The following EML1 variants were observed in gnomAD, a reference collection of about 807,000 sequenced individuals.
EML1 encodes EMAP like 1.
Under a neutral mutation model 110.4 loss-of-function variants are expected in EML1, and 27 were observed. The ratio of observed to expected loss-of-function variants is 0.24; its 90% CI spans 0.18 to 0.34. The LOEUF (loss-of-function observed/expected upper bound fraction) is 0.34. Among genes scored for constraint, EML1 ranks in the 10% least tolerant of loss-of-function variants. The probability of loss-of-function intolerance (pLI) is 1.00; values close to 1 mark genes in which losing one functional copy is unlikely to be tolerated. For missense variants in EML1, 741 were observed against 1,030.9 expected (o/e 0.72, Z 3.85); for synonymous variants, 344 against 385.8 (o/e 0.89, Z 1.27).
intron 1 of EML1, among the ~76,000 whole-genome samples, chr14:99,779,860 C>T (rs1430972103): frequency 6.6e-6 from 1 of 152,210 alleles, no homozygotes; most frequent in East Asian, 1.9e-4. Flanking sequence ...ATTGAAACTC[C>T]AATCTTCACA....
intron 17 of EML1, among the ~76,000 whole-genome samples, chr14:99,925,889 C>T (rs978115005): frequency 2.0e-5 from 3 of 152,196 alleles, no homozygotes; most frequent in Non-Finnish European, 4.4e-5. Flanking sequence ...CTTGGCCCTC[C>T]CCACCCAACT....
intron 6 of EML1, among the ~76,000 whole-genome samples, chr14:99,895,437 A>G (rs2059655992): frequency 6.6e-6 from 1 of 152,240 alleles, no homozygotes; most frequent in African/African-American, 2.4e-5. Context: ...ATGGAAAACT[A>G]GGCACTCTCT....
intron 1 of EML1, among the ~76,000 whole-genome samples, chr14:99,847,575 T>A (rs2058727014): frequency 6.6e-6 from 1 of 152,140 alleles, no homozygotes; most frequent in African/African-American, 2.4e-5. Flanking sequence ...TTATTTATTT[T>A]TTTATTAGTT....
At chr14:99,878,010 A>G (rs550850358) in intron 3 of EML1, among the ~76,000 whole-genome samples, 20 of 152,254 alleles carry the variant, frequency 1.3e-4, no homozygotes, top group African/African-American at 4.8e-4. Context: ...AATGTGGCCC[A>G]ACACAGATTT....
chr14:99,757,214 C>CTGTCGT (rs2057266007), intron 1 of EML1, among the ~76,000 whole-genome samples: 1 of 152,154 alleles, frequency 6.6e-6, no homozygotes, highest in Admixed American at 6.5e-5. Context: ...TGGTGCATGC[C>CTGTCGT]TGTCGTCGCA....
At chr14:99,739,496 A>G (rs1338442966) in intron 1 of EML1, among the ~76,000 whole-genome samples, 2 of 152,156 alleles carry the variant, frequency 1.3e-5, no homozygotes, top group African/African-American at 4.8e-5. Context: ...CGTGGGCCTC[A>G]CCATCCCTTC....
Position 99,907,667 on chromosome 14 carries a change from T to G in EML1, c.1038T>G (p.Asp346Glu), listed in dbSNP as rs200777350. Residue 346 changes from aspartate (D) to glutamate (E), a missense_variant, in exon 10 of 22, where the codon GAT becomes GAG. Asp to Glu is a conservative substitution (Grantham distance 45). Around this residue, in one of 4 missense-constraint regions of EML1, gnomAD observed 388 missense variants for 605.6 expected, o/e 0.64. Transcript: ENST00000262233. The part of the protein sequence containing the change: ...SNGGTNLCAV[D>E]DSNDHVLSVW... ...GAGGAACCAATCTCTGTGCTGTGGA[T>G]GACTCCAACGACCATGTGCTCTCTG... 5.8e-5 allele frequency: 94 copies of G among 1,614,128 alleles called. No homozygotes were observed. The highest frequency in any genetic ancestry group is 7.8e-5 in the Non-Finnish European group (92 of 1,180,038).
chr14:99,935,960 C>G (rs2060462826), intron 17 of EML1, 69 bp from the exon 18 acceptor site: 1 of 1,459,308 alleles, frequency 6.9e-7, no homozygotes, highest in East Asian at 2.3e-5. Flanking sequence ...TGGCAGCTAC[C>G]GTTATCCTTT....
intron 1 of EML1, chr14:99,809,515 C>A: frequency 2.6e-6 from 1 of 391,242 alleles, no homozygotes; most frequent in South Asian, 1.9e-5. Flanking sequence ...TGGACAGGCG[C>A]CCTGGTCGGC....
intron 2 of EML1, among the ~76,000 whole-genome samples, chr14:99,857,128 C>T (rs1209450464): frequency 6.6e-6 from 1 of 151,964 alleles, no homozygotes; most frequent in Non-Finnish European, 1.5e-5. Flanking sequence ...CGAAATTAGC[C>T]TTGTGTGATG....
intron 1 of EML1, among the ~76,000 whole-genome samples, chr14:99,796,909 ATGTG>A (rs369237790): frequency 0.047 from 6,753 of 142,636 alleles, 190 homozygotes; most frequent in Middle Eastern, 0.067. Context: ...TTGTGTGTGT[ATGTG>A]TGTGTGTGTG....
intron 1 of EML1, among the ~76,000 whole-genome samples, chr14:99,814,190 A>C (rs1436857587): frequency 3.3e-5 from 5 of 152,244 alleles, no homozygotes; most frequent in African/African-American, 4.8e-5. Flanking sequence ...GGACCTCGGA[A>C]GATTCAGGAC....
At chr14:99,753,394 C>T (rs917807634) in intron 1 of EML1, among the ~76,000 whole-genome samples, 11 of 152,006 alleles carry the variant, frequency 7.2e-5, no homozygotes, top group Admixed American at 6.5e-4. Context: ...CTGTGGGCCC[C>T]TCCGGCCTCC....
At chr14:99,786,972 CT>C (rs1214689936) in intron 1 of EML1, among the ~76,000 whole-genome samples, 1 of 152,140 alleles carries the variant, frequency 6.6e-6, no homozygotes. Flanking sequence ...GTGAAGAATG[CT>C]TTGGCAAGGG....
intron 4 of EML1, among the ~76,000 whole-genome samples, chr14:99,888,392 T>C (rs1411846589): frequency 1.3e-5 from 2 of 152,250 alleles, no homozygotes; most frequent in Non-Finnish European, 2.9e-5. Context: ...TCTGTGTTCA[T>C]AGCTTTTGCA....
At chr14:99,894,804 A>G (rs774587329) in intron 6 of EML1, 46 bp downstream of exon 6, 2 of 1,565,820 alleles carry the variant, frequency 1.3e-6, no homozygotes, top group Non-Finnish European at 1.7e-6. Flanking sequence ...TTATCAGTCA[A>G]TCAATGCTTG....
intron 1 of EML1, among the ~76,000 whole-genome samples, chr14:99,782,756 A>T (rs892521028): frequency 6.6e-6 from 1 of 152,108 alleles, no homozygotes; most frequent in Non-Finnish European, 1.5e-5. Flanking sequence ...GCATCTCTAG[A>T]ACACCAGGAT....
chr14:99,745,229 C>CCAAAAA (rs1209116814), intron 1 of EML1, among the ~76,000 whole-genome samples: 11 of 152,246 alleles, frequency 7.2e-5, no homozygotes, highest in Admixed American at 2.6e-4. Context: ...CCACACCTGG[C>CCAAAAA]TAATTTTTGT....
In EML1 at chr14:99,905,269, C is replaced by G. The variant is rs528101961; in HGVS notation, c.1009-2369C>G. 2.8e-4 allele frequency among the ~76,000 whole-genome samples: 42 copies of G among 152,236 alleles called. No individual in the cohort carries two copies. Among genetic ancestry groups the G allele is most frequent in the Admixed American group, 1.6e-3 (24 of 15,282 alleles). ...CATAGATATTAGCCATTCAGCTCAG[C>G]ACCCAGCACCCAAAATCAAACTGGC... On this transcript the variant is annotated intron_variant, in intron 9 of 21. Coordinates refer to ENST00000262233, the MANE Select transcript of EML1 (RefSeq NM_004434.3). The surrounding 1 kb of genome is among the most constrained non-coding windows in gnomAD (Gnocchi z 4.1).
Sources: gnomAD v4.1 joint callset for allele counts (sites outside exome capture counted in the v4.1 genomes callset) on GRCh38, gnomAD v4.1.1 for gene constraint, gnomAD v4.1.1 regional missense constraint, Gnocchi (gnomAD v3.1) non-coding constraint, MANE v1.5 for transcripts, NCBI Gene and HGNC (gene_info 2026-07-23, HGNC 2026-07-21) for gene names.